Variants in ABCB1 observed in about 807,000 individuals in gnomAD.
ABCB1 encodes the protein ATP binding cassette subfamily B member 1, also known as ATP-dependent translocase ABCB1.
A neutral mutation model predicts 142.0 loss-of-function variants in ABCB1; 69 were observed. The ratio of observed to expected loss-of-function variants is 0.49; its 90% CI spans 0.40 to 0.59. ABCB1 has a LOEUF of 0.59. Ranked by LOEUF, ABCB1 falls within the 20% of genes least tolerant of loss-of-function variation. The pLI is 0.00. For synonymous variants in ABCB1, 532 were observed against 539.2 expected, an observed-to-expected ratio of 0.99 and a Z score of 0.18; for missense variants, 1,326 against 1,554.7, an observed-to-expected ratio of 0.85 and a Z score of 2.47.
intron 1 of ABCB1, among the ~76,000 whole-genome samples, chr7:87,674,250 T>G (rs1174286295): frequency 6.6e-6 from 1 of 152,018 alleles, no homozygotes; most frequent in East Asian, 1.9e-4. Context: ...AGGGTACCAG[T>G]GGAAGCGAGG....
At chr7:87,640,493 A>G (rs1323831980) in intron 1 of ABCB1, among the ~76,000 whole-genome samples, 1 of 151,732 alleles carries the variant, frequency 6.6e-6, no homozygotes, top group East Asian at 1.9e-4. Flanking sequence ...GCAGACATGC[A>G]CCACCACACC....
chr7:87,620,682 G>A (rs1820192641), intron 1 of ABCB1, among the ~76,000 whole-genome samples: 1 of 151,942 alleles, frequency 6.6e-6, no homozygotes, highest in East Asian at 1.9e-4. Flanking sequence ...AAAACCAACA[G>A]AATCATAACA....
At chr7:87,505,662 G>A (rs1814700125) in intron 27 of ABCB1, among the ~76,000 whole-genome samples, 1 of 152,156 alleles carries the variant, frequency 6.6e-6, no homozygotes, top group African/African-American at 2.4e-5. Context: ...CAGCTTCTTA[G>A]GTCAACGCAA....
intron 3 of ABCB1, among the ~76,000 whole-genome samples, chr7:87,593,092 A>G (rs1049118439): frequency 4.0e-5 from 6 of 151,852 alleles, no homozygotes; most frequent in Non-Finnish European, 7.4e-5. Context: ...ATGCCCAGCT[A>G]ATTTTTGTAC....
chr7:87,619,538 CAAAAAAA>C (rs397829281), intron 1 of ABCB1, among the ~76,000 whole-genome samples: 1 of 77,684 alleles, frequency 1.3e-5, no homozygotes, highest in Admixed American at 1.4e-4. Flanking sequence ...AACTCCATCT[CAAAAAAA>C]AAAAAAAAAA....
intron 1 of ABCB1, among the ~76,000 whole-genome samples, chr7:87,701,310 AC>A (rs1829016805): frequency 6.6e-6 from 1 of 152,226 alleles, no homozygotes; most frequent in Admixed American, 6.5e-5. Context: ...GAAACAGCTG[AC>A]AGTATTTGTT....
In ABCB1 at chr7:87,509,447, A is replaced by C; in HGVS notation, c.3317T>G (p.Val1106Gly). The C allele has an allele frequency of 2.5e-6, 4 of 1,614,150 alleles. No homozygotes were observed. In the South Asian group the frequency reaches 4.4e-5, roughly 18 times the overall value. ...GCCCAGGTGTGCTCGGAGCCACTGAACATTCAGTCGCTTTATTTCTTTGCC... is the reference window on the plus strand; with the variant it reads ...GCCCAGGTGTGCTCGGAGCCACTGACCATTCAGTCGCTTTATTTCTTTGCC... Reference protein sequence around the residue: ...LDGKEIKRLNVQWLRAHLGIV... With the variant: ...LDGKEIKRLNGQWLRAHLGIV... The change falls in exon 26 of 28, where the codon GTT (valine) becomes GGT (glycine). Residue 1106 changes from valine (V) to glycine (G), a missense_variant. Transcript: ENST00000622132.
intron 1 of ABCB1, among the ~76,000 whole-genome samples, chr7:87,703,535 C>G (rs533151343): frequency 1.3e-5 from 2 of 152,238 alleles, no homozygotes; most frequent in East Asian, 3.9e-4. Context: ...AATCTTCAAC[C>G]AAGGGGTTGT....
At chr7:87,608,623 C>CTTTTGAATT (rs1819743473) in intron 1 of ABCB1, among the ~76,000 whole-genome samples, 1 of 152,124 alleles carries the variant, frequency 6.6e-6, no homozygotes, top group African/African-American at 2.4e-5. Flanking sequence ...CCCGAAATGG[C>CTTTTGAATT]TTTTGAATTG....
chr7:87,614,385 C>T (rs1401211852), intron 1 of ABCB1, among the ~76,000 whole-genome samples: 1 of 150,180 alleles, frequency 6.7e-6, no homozygotes, highest in Non-Finnish European at 1.5e-5. Flanking sequence ...CAGAGCAAGA[C>T]TCTATCTCAG....
chr7:87,559,567 A>T (rs1320764075), intron 8 of ABCB1, among the ~76,000 whole-genome samples: 2 of 151,096 alleles, frequency 1.3e-5, no homozygotes, highest in South Asian at 2.1e-4. Flanking sequence ...TACCCTTATT[A>T]TTTCCTTCTA....
intron 1 of ABCB1, among the ~76,000 whole-genome samples, chr7:87,685,237 T>G (rs528952068): frequency 2.2e-4 from 33 of 152,140 alleles, no homozygotes; most frequent in Non-Finnish European, 3.4e-4. Context: ...TATAAAAACC[T>G]TAATAATATG....
chr7:87,547,302 T>C lies in ABCB1; in HGVS notation c.1726-1278A>G, dbSNP rs545430040. On this transcript the variant is annotated intron_variant, in intron 14 of 27. Transcript: ENST00000622132. ...AAGAAAATAGATCAATTTTTGTATC[T>C]TTTTAAGAAAAAAGGGGTATGTGGA... 6.6e-4 allele frequency among the ~76,000 whole-genome samples: 100 copies of C among 152,296 alleles called. 1 individual carries two copies. The East Asian group carries it at 0.017, about 26-fold the overall frequency.
intron 27 of ABCB1, among the ~76,000 whole-genome samples, 189 bp downstream of exon 27, chr7:87,505,708 C>T (rs1275040580): frequency 6.6e-6 from 1 of 152,076 alleles, no homozygotes; most frequent in Non-Finnish European, 1.5e-5. Context: ...CATATGTGCT[C>T]TAAGACTAAT....
At chr7:87,518,867 C>T (rs980182381) in intron 23 of ABCB1, 1 of 161,488 alleles carries the variant, frequency 6.2e-6, no homozygotes, top group African/African-American at 2.4e-5. Context: ...TTTCTGAATT[C>T]ATTTGGCTCT....
At chr7:87,637,597 A>G (rs1327720654) in intron 1 of ABCB1, among the ~76,000 whole-genome samples, 1 of 152,230 alleles carries the variant, frequency 6.6e-6, no homozygotes, top group Non-Finnish European at 1.5e-5. Flanking sequence ...ATTTTTCTCA[A>G]TAATGTAGTT....
In ABCB1 at chr7:87,504,463, A is replaced by G. The variant is rs1469859196; in HGVS notation, c.3637-14T>C. 6.2e-7 allele frequency: 1 copy of G among 1,613,762 alleles called. No individual in the cohort carries two copies. Among genetic ancestry groups the G allele is most frequent in the Non-Finnish European group, 8.5e-7 (1 of 1,179,882 alleles). ...TTCTTGGACAACCTATTCCATAATC[A>G]CATAGATTAATTCTCATAATAGTTC... On this transcript the variant is annotated splice_polypyrimidine_tract_variant and intron_variant, in intron 27 of 27. Coordinates refer to ENST00000622132, the MANE Select transcript of ABCB1 (RefSeq NM_001348946.2).
At position 87,540,503 on chromosome 7, in the gene ABCB1, C is replaced by T. The variant is rs548964636; in HGVS notation, c.2319+854G>A. The stretch of plus-strand genomic sequence containing the variant: ...TTGCCCAGGCTGGAGTGCAGTGGCA[C>T]GATCATGGCTCACAGCAACCTCCTC... On this transcript the variant is annotated intron_variant, in intron 18 of 27. Coordinates refer to ENST00000622132, the MANE Select transcript of ABCB1 (RefSeq NM_001348946.2). Among the ~76,000 whole-genome samples, 12 of 152,286 alleles carry T rather than the reference C, an allele frequency of 7.9e-5. No homozygotes were observed. In the South Asian group the frequency reaches 1.7e-3, roughly 21 times the overall value.
intron 1 of ABCB1, chr7:87,627,572 A>C (rs1458234643): frequency 1.3e-5 from 2 of 152,312 alleles, no homozygotes; most frequent in African/African-American, 4.8e-5. Flanking sequence ...GGTGAGTGTC[A>C]GAGGACCTGA....
Sources: gnomAD v4.1 joint callset for allele counts (sites outside exome capture counted in the v4.1 genomes callset) on GRCh38, gnomAD v4.1.1 for gene constraint, MANE v1.5 for transcripts, NCBI Gene and HGNC (gene_info 2026-07-23, HGNC 2026-07-21) for gene names.